The following HTR4 variants were observed in gnomAD, a reference collection of about 807,000 sequenced individuals.
HTR4 encodes 5-hydroxytryptamine receptor 4, also known as 5-hydroxytryptamine (serotonin) receptor 4, G protein-coupled.
A neutral mutation model predicts 36.8 loss-of-function variants in HTR4; 16 were observed. The ratio of observed to expected loss-of-function variants is 0.43; its 90% CI spans 0.29 to 0.66. The LOEUF (loss-of-function observed/expected upper bound fraction) is 0.66, where lower values mean the gene tolerates loss of function less well. HTR4 is among the 30% of genes least tolerant of loss of function. HTR4 has a pLI of 0.13. For missense variants in HTR4, 438 were observed against 490.9 expected (o/e 0.89, Z 1.02); for synonymous variants, 189 against 185.1 (o/e 1.02, Z -0.17).
At chr5:148,619,479 G>A (rs772976349) in intron 2 of HTR4, among the ~76,000 whole-genome samples, 1 of 152,128 alleles carries the variant, frequency 6.6e-6, no homozygotes, top group Non-Finnish European at 1.5e-5. Flanking sequence ...GAAAACCCAA[G>A]GTAGTGCCTG....
chr5:148,519,624 T>C (rs758125074), intron 5 of HTR4, among the ~76,000 whole-genome samples: 4 of 152,188 alleles, frequency 2.6e-5, no homozygotes, highest in Admixed American at 6.5e-5. Context: ...AAATCAATAC[T>C]TGAGTTGCTT....
intron 5 of HTR4, among the ~76,000 whole-genome samples, chr5:148,513,886 A>C (rs1463545871): frequency 6.6e-6 from 1 of 152,148 alleles, no homozygotes; most frequent in Admixed American, 6.5e-5. Flanking sequence ...TGTAAATGGT[A>C]CCATGTTAAA....
chr5:148,456,668 G>A (rs1038678588), intron 5 of HTR4, among the ~76,000 whole-genome samples: 2 of 152,172 alleles, frequency 1.3e-5, no homozygotes, highest in Non-Finnish European at 2.9e-5. Flanking sequence ...AGTAAGACGA[G>A]ATTCAGAAAA....
intron 5 of HTR4, among the ~76,000 whole-genome samples, chr5:148,453,567 C>T (rs1034362700): frequency 1.9e-4 from 29 of 152,110 alleles, no homozygotes; most frequent in African/African-American, 6.0e-4. Context: ...ATGCAAAGGT[C>T]CTGAGGTTCG....
chr5:148,596,454 C>A (rs994971754), intron 2 of HTR4, among the ~76,000 whole-genome samples: 3 of 152,150 alleles, frequency 2.0e-5, no homozygotes, highest in Non-Finnish European at 2.9e-5. Context: ...CCTCAAGCAA[C>A]TTTTTCATGT....
chr5:148,536,338 A>C (rs922265630), intron 4 of HTR4, among the ~76,000 whole-genome samples: 1 of 152,200 alleles, frequency 6.6e-6, no homozygotes, highest in African/African-American at 2.4e-5. Context: ...AAGCCAGCAT[A>C]ATAACCAGCT....
intron 5 of HTR4, chr5:148,520,981 C>T (rs754077204): frequency 1.5e-6 from 2 of 1,367,574 alleles, no homozygotes; most frequent in Non-Finnish European, 2.0e-6. Context: ...AAGAACAAGG[C>T]AGGACTAAGG....
intron 5 of HTR4, among the ~76,000 whole-genome samples, chr5:148,454,084 A>G (rs1312629277): frequency 2.0e-5 from 3 of 152,222 alleles, no homozygotes; most frequent in Non-Finnish European, 4.4e-5. Context: ...TGCGTTATGC[A>G]GAATAGTAAC....
rs958045244 is a variant in HTR4 at position 148,548,652 on chromosome 5, A to T, written c.353+16T>A. The T allele has an allele frequency of 6.3e-7, 1 of 1,583,788 alleles. No individual in the cohort carries two copies. Among genetic ancestry groups the T allele is most frequent in the Non-Finnish European group, 8.6e-7 (1 of 1,163,224 alleles). On this transcript the variant is annotated intron_variant, in intron 4 of 6. Coordinates refer to ENST00000377888, the MANE Select transcript of HTR4 (RefSeq NM_000870.7). ...TCCAGCATGGAGCTCCGCTATGCACATTGTTCTGTCCTTACCTATCCAGAG... is the reference window on the plus strand; with the variant it reads ...TCCAGCATGGAGCTCCGCTATGCACTTTGTTCTGTCCTTACCTATCCAGAG...
intron 4 of HTR4, among the ~76,000 whole-genome samples, chr5:148,538,687 A>G (rs1364386100): frequency 6.6e-6 from 1 of 152,154 alleles, no homozygotes. Flanking sequence ...AGAGCTCTAC[A>G]ATGAGAATTA....
chr5:148,563,213 C>T (rs1760292315), intron 2 of HTR4, among the ~76,000 whole-genome samples: 1 of 152,184 alleles, frequency 6.6e-6, no homozygotes, highest in Admixed American at 6.5e-5. Context: ...GACTTCCACA[C>T]TGTTCCCAGA....
chr5:148,609,827 A>G (rs543374890), intron 2 of HTR4, among the ~76,000 whole-genome samples: 1 of 152,040 alleles, frequency 6.6e-6, no homozygotes, highest in African/African-American at 2.4e-5. Context: ...CAGCCTCCCA[A>G]AGTACTGGGA....
intron 2 of HTR4, among the ~76,000 whole-genome samples, chr5:148,585,496 A>ATAT (rs1165174079): frequency 3.3e-5 from 5 of 152,208 alleles, no homozygotes; most frequent in Admixed American, 1.3e-4. Context: ...CATGCTAGTC[A>ATAT]CTGTTGATAT....
At chr5:148,461,690 A>G (rs915328044) in intron 5 of HTR4, among the ~76,000 whole-genome samples, 3 of 152,050 alleles carry the variant, frequency 2.0e-5, no homozygotes, top group Admixed American at 6.5e-5. Context: ...ACACTTCTCT[A>G]TCATAAATGA....
intron 2 of HTR4, among the ~76,000 whole-genome samples, chr5:148,598,702 T>C (rs1381673742): frequency 6.6e-6 from 1 of 152,206 alleles, no homozygotes; most frequent in Non-Finnish European, 1.5e-5. Context: ...ATTTATTGAG[T>C]AAATTCTGAC....
At chr5:148,613,944 G>C (rs1268203362) in intron 2 of HTR4, among the ~76,000 whole-genome samples, 1 of 152,034 alleles carries the variant, frequency 6.6e-6, no homozygotes, top group African/African-American at 2.4e-5. Context: ...GCTTCAAAGA[G>C]AATAAAATAC....
chr5:148,635,923 TG>T (rs1753518331), intron 2 of HTR4, among the ~76,000 whole-genome samples: 1 of 152,204 alleles, frequency 6.6e-6, no homozygotes, highest in African/African-American at 2.4e-5. Flanking sequence ...GAGTGTAAAA[TG>T]TTTTATTGCT....
intron 2 of HTR4, among the ~76,000 whole-genome samples, chr5:148,605,881 A>C (rs1018379058): frequency 2.0e-5 from 3 of 152,270 alleles, no homozygotes; most frequent in Non-Finnish European, 1.5e-5. Flanking sequence ...ACCAAGAAGC[A>C]TGCAAAATCT....
rs541374725 is a variant in HTR4 at position 148,571,283 on chromosome 5, G to A, written c.27-21021C>T. Among the ~76,000 whole-genome samples, 4 of 152,080 alleles carry A rather than the reference G, an allele frequency of 2.6e-5. No homozygotes were observed. The South Asian group carries it at 8.3e-4, about 31-fold the overall frequency. ...TTGGTTCAGAACAAATATTCACCCT[G>A]TCACCTACATACAACATGTCTGCGT... On this transcript the variant is annotated intron_variant, in intron 2 of 6. Coordinates refer to ENST00000377888, the MANE Select transcript of HTR4 (RefSeq NM_000870.7).
Sources: gnomAD v4.1 joint callset for allele counts (sites outside exome capture counted in the v4.1 genomes callset) on GRCh38, gnomAD v4.1.1 for gene constraint, MANE v1.5 for transcripts, NCBI Gene and HGNC (gene_info 2026-07-23, HGNC 2026-07-21) for gene names.